Variants in GALNT13 observed in about 807,000 individuals in gnomAD.
The protein encoded by GALNT13 is UDP-GalNAc:polypeptide N-acetylgalactosaminyltransferase 13.
In GALNT13, 28 loss-of-function variants were observed where a neutral mutation model predicts 64.2. The observed-to-expected ratio is 0.44, with a 90% CI of 0.32 to 0.60. The LOEUF is 0.60. GALNT13 is among the 20% of genes least tolerant of loss of function. GALNT13 has a pLI of 0.05. For missense variants in GALNT13, 577 were observed against 669.8 expected (o/e 0.86, Z 1.53); for synonymous variants, 214 against 224.6 (o/e 0.95, Z 0.42).
the GALNT13 span, among the ~76,000 whole-genome samples, chr2:153,364,889 C>A: frequency 6.6e-6 from 1 of 152,092 alleles, no homozygotes; most frequent in Non-Finnish European, 1.5e-5. Context: ...TTAGAAAAAA[C>A]TACTTTAAAT....
chr2:153,442,314 A>G, the GALNT13 span, among the ~76,000 whole-genome samples: 1 of 152,144 alleles, frequency 6.6e-6, no homozygotes, highest in East Asian at 1.9e-4. Flanking sequence ...ATCATGGTGG[A>G]TAAGTTTTTG....
the GALNT13 span, chr2:153,421,962 G>T: frequency 6.2e-6 from 1 of 161,048 alleles, no homozygotes; most frequent in South Asian, 1.6e-4. Flanking sequence ...CACACGTAGT[G>T]GCTACAGGTT....
chr2:154,330,787 A>G (rs1380506928), intron 9 of GALNT13, among the ~76,000 whole-genome samples: 3 of 152,122 alleles, frequency 2.0e-5, no homozygotes, highest in Non-Finnish European at 4.4e-5. Context: ...TGAACCTGAA[A>G]CTGCACCAGT....
At chr2:153,991,081 A>G (rs1574279401) in intron 3 of GALNT13, among the ~76,000 whole-genome samples, 2 of 152,312 alleles carry the variant, frequency 1.3e-5, no homozygotes, top group East Asian at 3.9e-4. Context: ...GCAGCTTTAT[A>G]CAAAATCACC....
chr2:153,338,992 G>C, the GALNT13 span, among the ~76,000 whole-genome samples: 1 of 152,130 alleles, frequency 6.6e-6, no homozygotes, highest in South Asian at 2.1e-4. Context: ...ATTCCACTCT[G>C]TATATATACC....
the GALNT13 span, among the ~76,000 whole-genome samples, chr2:153,245,429 C>T: frequency 6.6e-6 from 1 of 152,178 alleles, no homozygotes; most frequent in Non-Finnish European, 1.5e-5. Context: ...GCACAAAGCT[C>T]TCAGAGGAAG....
At chr2:153,648,064 C>A in the GALNT13 span, among the ~76,000 whole-genome samples, 2 of 152,092 alleles carry the variant, frequency 1.3e-5, no homozygotes, top group Non-Finnish European at 2.9e-5. Flanking sequence ...GGAGCTATGG[C>A]CATTTTCACA....
chr2:153,256,993 C>G, the GALNT13 span, among the ~76,000 whole-genome samples: 1 of 152,250 alleles, frequency 6.6e-6, no homozygotes, highest in African/African-American at 2.4e-5. Context: ...GTTCGAGCTT[C>G]CCGGCTACTT....
chr2:153,504,621 TTC>T, the GALNT13 span, among the ~76,000 whole-genome samples: 2 of 152,220 alleles, frequency 1.3e-5, no homozygotes. Flanking sequence ...CAAATGTTAT[TTC>T]TGTGTCTATT....
chr2:154,169,135 C>A (rs1237329472), intron 4 of GALNT13, among the ~76,000 whole-genome samples: 1 of 152,082 alleles, frequency 6.6e-6, no homozygotes, highest in Non-Finnish European at 1.5e-5. Flanking sequence ...CCACAGGGGA[C>A]ATTAATCATG....
Position 154,051,379 on chromosome 2 carries a change from T to C in GALNT13, c.143-88958T>C, listed in dbSNP as rs964324341. ...AATCTCGGCTCCCTGCAAGCTCCGC[T>C]TCCCGGGTTCACGCCATTCTCCTGC... On this transcript the variant is annotated intron_variant, in intron 3 of 12. Coordinates refer to ENST00000392825, the MANE Select transcript of GALNT13 (RefSeq NM_052917.4). Among the ~76,000 whole-genome samples, 125 of 146,800 alleles carry C rather than the reference T, an allele frequency of 8.5e-4. 1 individual carries two copies. The highest frequency in any genetic ancestry group is 2.9e-3 in the African/African-American group (117 of 39,790).
chr2:154,139,133 T>A (rs1159189163), intron 3 of GALNT13, among the ~76,000 whole-genome samples: 1 of 152,036 alleles, frequency 6.6e-6, no homozygotes, highest in African/African-American at 2.4e-5. Flanking sequence ...ATGGTTTGAC[T>A]CATGCCATTA....
intron 3 of GALNT13, among the ~76,000 whole-genome samples, chr2:154,044,551 A>C (rs1699183273): frequency 1.3e-5 from 2 of 152,260 alleles, no homozygotes; most frequent in Non-Finnish European, 2.9e-5. Flanking sequence ...TGCATTGAAA[A>C]AGTACTGAGT....
At chr2:153,567,996 G>A in the GALNT13 span, among the ~76,000 whole-genome samples, 4 of 152,100 alleles carry the variant, frequency 2.6e-5, no homozygotes, top group Non-Finnish European at 5.9e-5. Flanking sequence ...AGCTTCCTGA[G>A]GCTTCTTTTA....
the GALNT13 span, among the ~76,000 whole-genome samples, chr2:153,342,525 G>A: frequency 1.3e-5 from 2 of 152,132 alleles, no homozygotes; most frequent in African/African-American, 4.8e-5. Flanking sequence ...TAATTAAATG[G>A]AATTATATTT....
intron 10 of GALNT13, among the ~76,000 whole-genome samples, chr2:154,405,223 A>T (rs1699474309): frequency 6.6e-6 from 1 of 152,160 alleles, no homozygotes; most frequent in Non-Finnish European, 1.5e-5. Context: ...AAAGAATTAG[A>T]AATCAAAGAC....
chr2:153,440,456 G>A, the GALNT13 span, among the ~76,000 whole-genome samples: 1 of 152,140 alleles, frequency 6.6e-6, no homozygotes, highest in East Asian at 1.9e-4. Flanking sequence ...AATCCTTTGA[G>A]TATATACCCA....
chr2:153,519,355 T>C, the GALNT13 span, among the ~76,000 whole-genome samples: 4 of 152,150 alleles, frequency 2.6e-5, no homozygotes, highest in African/African-American at 4.8e-5. Context: ...GGGCACAGCA[T>C]GCCATAACAC....
chr2:153,890,425 A>T (rs1687474714), intron 1 of GALNT13, among the ~76,000 whole-genome samples: 1 of 152,056 alleles, frequency 6.6e-6, no homozygotes, highest in South Asian at 2.1e-4. Flanking sequence ...GATTGCCATC[A>T]AACCAGTCAC....
Sources: allele counts gnomAD v4.1 joint callset (sites outside exome capture counted in the v4.1 genomes callset), GRCh38; gene constraint gnomAD v4.1.1; transcripts MANE v1.5; gene names NCBI Gene and HGNC (gene_info 2026-07-23, HGNC 2026-07-21).